The following SUCLG2 variants were observed in gnomAD, a reference collection of about 807,000 sequenced individuals.
SUCLG2 encodes succinate-CoA ligase GDP-forming subunit beta.
SUCLG2 carries 42 observed loss-of-function variants against 47.9 expected under a neutral mutation model. The ratio of observed to expected loss-of-function variants is 0.88; its 90% CI spans 0.69 to 1.14. The LOEUF (loss-of-function observed/expected upper bound fraction) is 1.14, where lower values mean the gene tolerates loss of function less well. Ranked by LOEUF, SUCLG2 falls within the 50% of genes most tolerant of loss-of-function variation. The pLI, the probability that SUCLG2 is intolerant of heterozygous loss-of-function variation, is 0.00. For synonymous variants in SUCLG2, 195 were observed against 197.3 expected (o/e 0.99, Z 0.10); for missense variants, 571 against 525.9 (o/e 1.09, Z -0.84).
intron 9 of SUCLG2, among the ~76,000 whole-genome samples, chr3:67,488,397 C>T (rs527296640): frequency 6.6e-6 from 1 of 152,204 alleles, no homozygotes; most frequent in African/African-American, 2.4e-5. Context: ...AAAGGATTCA[C>T]AGTATCTGCA....
At chr3:67,369,225 G>A (rs13091433) in intron 10 of SUCLG2, among the ~76,000 whole-genome samples, 23,073 of 151,898 alleles carry the variant, frequency 0.15, 1,893 homozygotes, top group Middle Eastern at 0.23. Context: ...AGTATTACAC[G>A]AATAGGTTCT....
chr3:67,524,187 G>T (rs2634732), intron 4 of SUCLG2, among the ~76,000 whole-genome samples: 31,346 of 152,110 alleles, frequency 0.21, 4,631 homozygotes, highest in East Asian at 0.49. Context: ...CACTCATCCC[G>T]GAGCAACTCC....
intron 2 of SUCLG2, among the ~76,000 whole-genome samples, chr3:67,599,312 C>G (rs1708363015): frequency 6.6e-6 from 1 of 152,190 alleles, no homozygotes; most frequent in Admixed American, 6.5e-5. Context: ...AGGAAGGAAA[C>G]TGATGTGGCC....
chr3:67,439,216 T>C (rs997290262), intron 9 of SUCLG2, among the ~76,000 whole-genome samples: 5 of 152,148 alleles, frequency 3.3e-5, no homozygotes, highest in Admixed American at 1.3e-4. Flanking sequence ...CTGAATAAAC[T>C]TGGTAGTGAT....
intron 1 of SUCLG2, among the ~76,000 whole-genome samples, chr3:67,652,368 G>A (rs1246179159): frequency 1.3e-5 from 2 of 152,142 alleles, no homozygotes; most frequent in South Asian, 2.1e-4. Context: ...AATAGGTCTG[G>A]GCCAAGAGTG....
At chr3:67,378,611 A>T (rs1435705570) in intron 10 of SUCLG2, among the ~76,000 whole-genome samples, 1 of 152,188 alleles carries the variant, frequency 6.6e-6, no homozygotes, top group African/African-American at 2.4e-5. Context: ...GCCTTGTGAG[A>T]GACCCTGAGT....
chr3:67,560,458 G>A (rs1304673742), intron 2 of SUCLG2, among the ~76,000 whole-genome samples: 1 of 152,190 alleles, frequency 6.6e-6, no homozygotes, highest in Non-Finnish European at 1.5e-5. Context: ...AAGAACGTGA[G>A]ATCTGGGTTC....
At chr3:67,526,533 T>C (rs541060637) in intron 4 of SUCLG2, among the ~76,000 whole-genome samples, 4 of 152,126 alleles carry the variant, frequency 2.6e-5, no homozygotes, top group South Asian at 4.1e-4. Flanking sequence ...ATTCAGACCA[T>C]AGCATCCATG....
At chr3:67,390,652 G>GT (rs200231997) in intron 10 of SUCLG2, among the ~76,000 whole-genome samples, 31,220 of 145,022 alleles carry the variant, frequency 0.22, 3,609 homozygotes, top group African/African-American at 0.31. Context: ...TGAAATGAGG[G>GT]TTTTTTTTTT....
At chr3:67,637,557 G>A (rs1428846061) in intron 1 of SUCLG2, among the ~76,000 whole-genome samples, 3 of 152,158 alleles carry the variant, frequency 2.0e-5, no homozygotes, top group Non-Finnish European at 2.9e-5. Flanking sequence ...TTCAAAATGA[G>A]TGAAGTCTGT....
intron 6 of SUCLG2, among the ~76,000 whole-genome samples, chr3:67,513,255 A>G (rs1004611350): frequency 6.6e-5 from 10 of 152,318 alleles, no homozygotes; most frequent in Non-Finnish European, 1.3e-4. Flanking sequence ...CCACAGATAC[A>G]CACTTAAATT....
At chr3:67,473,650 C>T (rs1486875060) in intron 9 of SUCLG2, among the ~76,000 whole-genome samples, 1 of 152,090 alleles carries the variant, frequency 6.6e-6, no homozygotes. Context: ...AATTTTGACC[C>T]AACTTCATTT....
At chr3:67,502,160 T>C (rs1220834674) in intron 7 of SUCLG2, among the ~76,000 whole-genome samples, 1 of 152,154 alleles carries the variant, frequency 6.6e-6, no homozygotes, top group African/African-American at 2.4e-5. Context: ...GGTAAAAGAA[T>C]TGAATTGAAT....
intron 2 of SUCLG2, among the ~76,000 whole-genome samples, chr3:67,564,153 A>G (rs1227220059): frequency 6.6e-6 from 1 of 152,162 alleles, no homozygotes; most frequent in Non-Finnish European, 1.5e-5. Context: ...AATTTGACCA[A>G]TCGAACATAC....
At chr3:67,446,512 C>T (rs1264387386) in intron 9 of SUCLG2, among the ~76,000 whole-genome samples, 1 of 144,546 alleles carries the variant, frequency 6.9e-6, no homozygotes, top group Non-Finnish European at 1.5e-5. Flanking sequence ...CTAACTGCAA[C>T]CTCCACCTCC....
At chr3:67,642,173 G>A (rs1701112781) in intron 1 of SUCLG2, among the ~76,000 whole-genome samples, 1 of 152,120 alleles carries the variant, frequency 6.6e-6, no homozygotes, top group Non-Finnish European at 1.5e-5. Flanking sequence ...GAATTTTGTG[G>A]GGGACACAAT....
intron 9 of SUCLG2, among the ~76,000 whole-genome samples, chr3:67,479,122 T>A (rs1290237593): frequency 6.6e-6 from 1 of 152,132 alleles, no homozygotes; most frequent in Non-Finnish European, 1.5e-5. Flanking sequence ...AGCAATGAAG[T>A]CTCATCTTGA....
At chr3:67,616,088 C>T (rs932178373) in intron 1 of SUCLG2, among the ~76,000 whole-genome samples, 41 of 151,978 alleles carry the variant, frequency 2.7e-4, no homozygotes, top group African/African-American at 9.7e-4. Flanking sequence ...CTCCAGAGCC[C>T]TATTTGTTGG....
chr3:67,400,870 A>G lies in SUCLG2; in HGVS notation c.1063-19T>C. On this transcript the variant is annotated intron_variant, in intron 9 of 10. Transcript: ENST00000307227. ...CTTCAACCTGAAATCAAAAATAAAA[A>G]GTTACCAATCAAAATGCTGATCGCC... 6.2e-7 allele frequency: 1 copy of G among 1,612,644 alleles called. No individual in the cohort carries two copies. Among genetic ancestry groups the G allele is most frequent in the Non-Finnish European group, 8.5e-7 (1 of 1,179,726 alleles).
Sources: gnomAD v4.1 joint callset for allele counts (sites outside exome capture counted in the v4.1 genomes callset) on GRCh38, gnomAD v4.1.1 for gene constraint, MANE v1.5 for transcripts, NCBI Gene and HGNC (gene_info 2026-07-23, HGNC 2026-07-21) for gene names.